TNNI3K: variants seen among roughly 807,000 people sequenced by gnomAD.
The protein encoded by TNNI3K is TNNI3 interacting kinase, also known as serine/threonine-protein kinase TNNI3K.
Under a neutral mutation model 114.5 loss-of-function variants are expected in TNNI3K, and 140 were observed. The observed-to-expected ratio is 1.22, with a 90% confidence interval of 1.07 to 1.41. The LOEUF (loss-of-function observed/expected upper bound fraction) is 1.41, where lower values mean the gene tolerates loss of function less well. Ranked by LOEUF, TNNI3K falls within the 40% of genes most tolerant of loss-of-function variation. The probability of loss-of-function intolerance (pLI) is 0.00; values close to 1 mark genes in which losing one functional copy is unlikely to be tolerated. For synonymous variants in TNNI3K, 347 were observed against 347.5 expected (o/e 1.00, Z 0.02); for missense variants, 1,125 against 1,007.6 (o/e 1.12, Z -1.58).
At position 74,544,244 on chromosome 1, in the gene TNNI3K, T is replaced by A; in HGVS notation, c.*262T>A. The stretch of plus-strand genomic sequence containing the variant: ...TAAATTAAAAAAAAATTTAGATCGT[T>A]ACTTGGAAATGGAGCCTAAGTCTGT... On this transcript the variant is annotated 3_prime_UTR_variant, in exon 25 of 25. Transcript: ENST00000326637. 2.6e-6 allele frequency: 1 copy of A among 382,830 alleles called. No individual in the cohort carries two copies. The highest frequency in any genetic ancestry group is 4.3e-5 in the South Asian group (1 of 23,454). 23.7% of individuals were successfully genotyped at this position (382,830 alleles called of 1,614,324 possible).
intron 9 of TNNI3K, chr1:74,346,272 G>A (rs533405739): frequency 8.0e-4 from 122 of 152,204 alleles, no homozygotes; most frequent in African/African-American, 2.8e-3. Flanking sequence ...TTATCCTCTG[G>A]TCAAGAAGTG....
chr1:74,410,646 T>C (rs1049525913), intron 17 of TNNI3K, among the ~76,000 whole-genome samples: 4 of 152,356 alleles, frequency 2.6e-5, no homozygotes, highest in East Asian at 1.9e-4. Context: ...AAAGACTAGA[T>C]AGAAACTTGG....
At chr1:74,348,614 T>G (rs190103653) in intron 9 of TNNI3K, among the ~76,000 whole-genome samples, 144 of 152,352 alleles carry the variant, frequency 9.5e-4, no homozygotes, top group Non-Finnish European at 1.1e-3. Flanking sequence ...ACGACATTGA[T>G]TCTTCCTACC....
chr1:74,338,947 A>G (rs1381721049), intron 7 of TNNI3K, among the ~76,000 whole-genome samples: 2 of 152,102 alleles, frequency 1.3e-5, no homozygotes, highest in Non-Finnish European at 2.9e-5. Flanking sequence ...TAGAATAGGC[A>G]CAGGTACACC....
intron 4 of TNNI3K, among the ~76,000 whole-genome samples, chr1:74,253,751 C>T (rs1393661621): frequency 6.6e-6 from 1 of 152,114 alleles, no homozygotes; most frequent in African/African-American, 2.4e-5. Context: ...CCCCGCAGGC[C>T]GAGGGAGCCA....
At chr1:74,296,051 G>C (rs563383614) in intron 5 of TNNI3K, among the ~76,000 whole-genome samples, 3 of 151,692 alleles carry the variant, frequency 2.0e-5, no homozygotes, top group South Asian at 4.2e-4. Flanking sequence ...CAAGGCGGGC[G>C]GATCACAAGG....
chr1:74,346,165 A>G (rs1479796847), intron 9 of TNNI3K: 4 of 152,166 alleles, frequency 2.6e-5, no homozygotes, highest in Admixed American at 2.6e-4. Flanking sequence ...ACAGAGGTCA[A>G]AGAACTTGTC....
At chr1:74,504,384 A>G (rs1475584896) in intron 23 of TNNI3K, among the ~76,000 whole-genome samples, 1 of 152,188 alleles carries the variant, frequency 6.6e-6, no homozygotes, top group Non-Finnish European at 1.5e-5. Flanking sequence ...TGAATGCTGT[A>G]CTAAGGATAG....
intron 20 of TNNI3K, among the ~76,000 whole-genome samples, chr1:74,446,719 A>C (rs1666704262): frequency 7.0e-6 from 1 of 143,842 alleles, no homozygotes; most frequent in Admixed American, 6.9e-5. Context: ...ATTTTTGTAT[A>C]AGGTGTAAGG....
At chr1:74,313,334 G>C (rs1321102320) in intron 5 of TNNI3K, among the ~76,000 whole-genome samples, 4 of 152,122 alleles carry the variant, frequency 2.6e-5, no homozygotes, top group Admixed American at 2.6e-4. Context: ...TCCGGGACCA[G>C]GCCTGTCTAT....
At chr1:74,451,789 A>T (rs1320689365) in intron 20 of TNNI3K, among the ~76,000 whole-genome samples, 1 of 138,530 alleles carries the variant, frequency 7.2e-6, no homozygotes, top group Non-Finnish European at 1.5e-5. Flanking sequence ...GCCTTTTTGA[A>T]CAGTCAGGGA....
chr1:74,281,207 G>A (rs1478029938), intron 5 of TNNI3K, among the ~76,000 whole-genome samples: 1 of 152,144 alleles, frequency 6.6e-6, no homozygotes, highest in Non-Finnish European at 1.5e-5. Context: ...CTTTGGGCAA[G>A]ACCCAGTACT....
At chr1:74,340,384 A>G (rs548584165) in intron 7 of TNNI3K, among the ~76,000 whole-genome samples, 8 of 152,254 alleles carry the variant, frequency 5.3e-5, no homozygotes, top group South Asian at 4.1e-4. Context: ...CATGCATTCA[A>G]TTTTTCTAAG....
rs45539631 is a variant in TNNI3K, at chr1:74,273,799, C to T, written c.444+2091C>T. On this transcript the variant is annotated intron_variant, in intron 5 of 24. Transcript: ENST00000326637. ...ATTTGATGACTTTTATAGTCAATAGCTAACACTGCAAAAAGCAAGTATAGA... is the reference window on the plus strand; with the variant it reads ...ATTTGATGACTTTTATAGTCAATAGTTAACACTGCAAAAAGCAAGTATAGA... 7.7e-3 allele frequency among the ~76,000 whole-genome samples: 1,169 copies of T among 151,954 alleles called. 5 individuals are homozygous for T. Among genetic ancestry groups the T allele is most frequent in the Middle Eastern group, 0.014 (4 of 294 alleles).
At chr1:74,350,804 T>C (rs1661295146) in intron 9 of TNNI3K, among the ~76,000 whole-genome samples, 1 of 152,174 alleles carries the variant, frequency 6.6e-6, no homozygotes, top group South Asian at 2.1e-4. Flanking sequence ...CCTTTTTTTG[T>C]TTTTCATTTG....
intron 7 of TNNI3K, chr1:74,342,028 G>A (rs1006893263): frequency 6.6e-6 from 1 of 152,122 alleles, no homozygotes; most frequent in Non-Finnish European, 1.5e-5. Context: ...ATTATTCCAG[G>A]ATAACAAGCC....
At chr1:74,423,109 T>C (rs1206458837) in intron 17 of TNNI3K, among the ~76,000 whole-genome samples, 1 of 152,054 alleles carries the variant, frequency 6.6e-6, no homozygotes, top group Non-Finnish European at 1.5e-5. Context: ...ATTCATCCTT[T>C]CACGCTTCAG....
chr1:74,341,973 A>G (rs1465123721), intron 7 of TNNI3K: 1 of 152,198 alleles, frequency 6.6e-6, no homozygotes, highest in East Asian at 1.9e-4. Context: ...ACAGATAGGT[A>G]TCCAGACCAG....
intron 4 of TNNI3K, among the ~76,000 whole-genome samples, chr1:74,253,507 T>C (rs1342548514): frequency 6.6e-6 from 1 of 152,030 alleles, no homozygotes; most frequent in Non-Finnish European, 1.5e-5. Flanking sequence ...AGCTATGGCC[T>C]GCTGAGAAAT....
Sources: allele counts gnomAD v4.1 joint callset (sites outside exome capture counted in the v4.1 genomes callset), GRCh38; gene constraint gnomAD v4.1.1; transcripts MANE v1.5; gene names NCBI Gene and HGNC (gene_info 2026-07-23, HGNC 2026-07-21).